CRTC3: variants seen among roughly 807,000 people sequenced by gnomAD.
CRTC3 encodes the protein CREB-regulated transcription coactivator 3.
A neutral mutation model predicts 74.5 loss-of-function variants in CRTC3; 26 were observed. The observed-to-expected ratio is 0.35, with a 90% CI of 0.26 to 0.48. The LOEUF (loss-of-function observed/expected upper bound fraction) is 0.48. CRTC3 is among the 20% of genes least tolerant of loss of function. CRTC3 has a pLI of 0.99. For missense variants in CRTC3, 760 were observed against 787.3 expected (o/e 0.97, Z 0.41); for synonymous variants, 377 against 325.8 (o/e 1.16, Z -1.69).
Position 90,642,992 on chromosome 15 carries a change from G to A in CRTC3, c.*852G>A, listed in dbSNP as rs1208645324. On this transcript the variant is annotated 3_prime_UTR_variant, in exon 15 of 15. Transcript: ENST00000268184. ...ACCTCCCCACTAAGAGCAGCCAGAGGGAGCTGGTGAGGCCCTAACCCCACC... is the reference window on the plus strand; with the variant it reads ...ACCTCCCCACTAAGAGCAGCCAGAGAGAGCTGGTGAGGCCCTAACCCCACC... 1 of 232,476 alleles carries A rather than the reference G, an allele frequency of 4.3e-6. No homozygotes were observed. The highest frequency in any genetic ancestry group is 8.5e-6 in the Non-Finnish European group (1 of 117,666). The allele number at this position is 232,476 out of a possible 1,614,324, so 14.4% of individuals were successfully genotyped here. A position where few individuals can be genotyped will look rare whatever the true frequency, so the allele number is the denominator to read the frequency against.
At chr15:90,566,499 G>A (rs1967124774) in intron 2 of CRTC3, among the ~76,000 whole-genome samples, 1 of 150,846 alleles carries the variant, frequency 6.6e-6, no homozygotes. Flanking sequence ...GCAGTGAGCC[G>A]AGATCATGCC....
intron 2 of CRTC3, among the ~76,000 whole-genome samples, chr15:90,549,977 T>C (rs1369569113): frequency 6.6e-6 from 1 of 150,558 alleles, no homozygotes; most frequent in Non-Finnish European, 1.5e-5. Context: ...GTGCTGGGAT[T>C]ACAGGCGTGA....
intron 1 of CRTC3, among the ~76,000 whole-genome samples, chr15:90,537,099 A>C (rs1034288232): frequency 6.6e-6 from 1 of 152,244 alleles, no homozygotes; most frequent in Non-Finnish European, 1.5e-5. Context: ...TCACATGTTC[A>C]TCATCTGTAA....
chr15:90,610,908 T>G lies in CRTC3; in HGVS notation c.577+3430T>G, dbSNP rs542096412. Among the ~76,000 whole-genome samples the G allele has an allele frequency of 9.8e-5, 15 of 152,302 alleles. No homozygotes were observed. The South Asian group carries it at 2.9e-3, about 29-fold the overall frequency. ...TCTCTGCATCCAGGGCTGTAGATGC[T>G]GAATATTGCCATCTTTGGGGACCAC... On this transcript the variant is annotated intron_variant, in intron 6 of 14. Coordinates refer to ENST00000268184, the MANE Select transcript of CRTC3 (RefSeq NM_022769.5).
intron 2 of CRTC3, among the ~76,000 whole-genome samples, chr15:90,553,545 A>G (rs907143462): frequency 3.3e-5 from 5 of 152,330 alleles, no homozygotes; most frequent in African/African-American, 4.8e-5. Context: ...TGAATCTCTA[A>G]TCATCTGGGA....
intron 2 of CRTC3, among the ~76,000 whole-genome samples, chr15:90,579,460 G>A (rs1452633410): frequency 2.6e-5 from 4 of 152,188 alleles, no homozygotes; most frequent in South Asian, 4.1e-4. Context: ...GGGCTCTAAG[G>A]CTGGTTTATA....
rs369428240 is a variant in CRTC3, at chr15:90,643,522, C to A, written c.*1382C>A. 1 of 228,646 alleles carries A rather than the reference C, an allele frequency of 4.4e-6. No individual in the cohort carries two copies. The allele number at this position is 228,646 out of a possible 1,614,324, so 14.2% of individuals were successfully genotyped here. On this transcript the variant is annotated 3_prime_UTR_variant, in exon 15 of 15. Coordinates refer to ENST00000268184, the MANE Select transcript of CRTC3 (RefSeq NM_022769.5). ...AGGAAGATCTTCCTTCTCAGATCCA[C>A]GTTTGGCTCTAAATTGCTTCAAGTA...
chr15:90,563,754 A>G (rs899561644), intron 2 of CRTC3, among the ~76,000 whole-genome samples: 3 of 152,234 alleles, frequency 2.0e-5, no homozygotes, highest in Non-Finnish European at 2.9e-5. Flanking sequence ...AGTGGCTGGT[A>G]CAGGAATCAA....
In CRTC3 at chr15:90,625,819, T is replaced by TTGGG; in HGVS notation, c.794_797dup (p.Thr267GlyfsTer40). ...TCAAAACCTAGGCCTCTCACCCTTC[T>TTGGG]TGGGGACCTTGAACACTGGAGGGTC... is the stretch of plus-strand genomic sequence containing the variant. On this transcript the variant is annotated frameshift_variant, in exon 10 of 15. Transcript: ENST00000268184. LOFTEE classifies it high-confidence loss of function. 1 of 1,614,246 alleles carries TTGGG rather than the reference T, an allele frequency of 6.2e-7. No homozygotes were observed. Among genetic ancestry groups the TTGGG allele is most frequent in the Non-Finnish European group, 8.5e-7 (1 of 1,180,036 alleles).
intron 2 of CRTC3, among the ~76,000 whole-genome samples, chr15:90,588,321 A>T (rs922491258): frequency 1.3e-5 from 2 of 151,782 alleles, no homozygotes; most frequent in Admixed American, 6.6e-5. Flanking sequence ...CTCTGTCATC[A>T]CTACCATATT....
At chr15:90,633,337 CAA>C (rs1160263624) in intron 11 of CRTC3, among the ~76,000 whole-genome samples, 2 of 152,186 alleles carry the variant, frequency 1.3e-5, no homozygotes, top group Admixed American at 1.3e-4. Flanking sequence ...AGCTCTATAG[CAA>C]AGAGTGCCTG....
intron 1 of CRTC3, among the ~76,000 whole-genome samples, chr15:90,532,583 A>G (rs950348452): frequency 1.3e-5 from 2 of 152,194 alleles, no homozygotes; most frequent in Non-Finnish European, 2.9e-5. Flanking sequence ...TCTTCTCTAC[A>G]TGATCAAAGC....
rs560578833 is a variant in CRTC3 at position 90,607,047 on chromosome 15, G to A, written c.477-331G>A. On this transcript the variant is annotated intron_variant, in intron 5 of 14. Coordinates refer to ENST00000268184, the MANE Select transcript of CRTC3 (RefSeq NM_022769.5). Reference sequence around the variant, plus strand: ...CCTAGTGCAGCCACAGGCTAAACTGGCCACAGCCAGCTTCCGAGCTGGGAA... The same window carrying A: ...CCTAGTGCAGCCACAGGCTAAACTGACCACAGCCAGCTTCCGAGCTGGGAA... 9.1e-3 allele frequency among the ~76,000 whole-genome samples: 123 copies of A among 13,584 alleles called. 1 individual carries two copies. Among genetic ancestry groups the A allele is most frequent in the African/African-American group, 0.028 (123 of 4,414 alleles). 8.9% of individuals were successfully genotyped at this position (13,584 alleles called of 152,430 possible). A position where few individuals can be genotyped will look rare whatever the true frequency, so the allele number is the denominator to read the frequency against.
chr15:90,540,021 A>G lies in CRTC3; in HGVS notation c.133-18A>G, dbSNP rs774281439. 6.4e-7 allele frequency: 1 copy of G among 1,569,912 alleles called. No individual in the cohort carries two copies. Among genetic ancestry groups the G allele is most frequent in the Non-Finnish European group, 8.8e-7 (1 of 1,140,124 alleles). On this transcript the variant is annotated intron_variant, in intron 1 of 14. Transcript: ENST00000268184. ...TTTGCTGTTACCTCTCAGCGTTCTT[A>G]AATCACTTTGTTTCCAGGTTCAATT...
At chr15:90,545,800 C>T (rs7497276) in intron 2 of CRTC3, among the ~76,000 whole-genome samples, 4 of 151,992 alleles carry the variant, frequency 2.6e-5, no homozygotes, top group South Asian at 4.2e-4. Context: ...GGATGGTCTC[C>T]ATCTCCTGAC....
intron 11 of CRTC3, among the ~76,000 whole-genome samples, chr15:90,631,503 G>A (rs551126057): frequency 2.3e-3 from 355 of 152,120 alleles, no homozygotes; most frequent in Non-Finnish European, 3.8e-3. Context: ...CAAGGCAGAC[G>A]GATCACTTGA....
At position 90,638,507 on chromosome 15, in the gene CRTC3, C is replaced by G; in HGVS notation, c.1328C>G (p.Ser443Trp). ...FLPTEAQAQV[S>W]PPPPYPAPQE... ...CCCACAGAAGCTCAAGCCCAGGTGTCGCCGCCACCCCCTTACCCTGCACCC... is the reference window on the plus strand; with the variant it reads ...CCCACAGAAGCTCAAGCCCAGGTGTGGCCGCCACCCCCTTACCCTGCACCC... The change falls in exon 12 of 15, where the codon TCG becomes TGG. Residue 443 changes from serine (S) to tryptophan (W), a missense_variant. By Grantham distance (177) the Ser-to-Trp change is radical. Coordinates refer to ENST00000268184, the MANE Select transcript of CRTC3 (RefSeq NM_022769.5). 1.2e-6 allele frequency: 2 copies of G among 1,613,964 alleles called. No individual in the cohort carries two copies. Among genetic ancestry groups the G allele is most frequent in the Non-Finnish European group, 1.7e-6 (2 of 1,179,998 alleles).
intron 2 of CRTC3, among the ~76,000 whole-genome samples, chr15:90,590,469 T>G (rs1404274152): frequency 4.6e-5 from 7 of 150,582 alleles, no homozygotes; most frequent in Non-Finnish European, 1.0e-4. Flanking sequence ...GGCATGATCT[T>G]GGCTCACTGC....
chr15:90,553,152 T>C (rs907882351), intron 2 of CRTC3, among the ~76,000 whole-genome samples: 1 of 152,222 alleles, frequency 6.6e-6, no homozygotes, highest in Non-Finnish European at 1.5e-5. Context: ...TTATGTTGTT[T>C]CTTATTTTCT....
Sources: allele counts gnomAD v4.1 joint callset (sites outside exome capture counted in the v4.1 genomes callset), GRCh38; gene constraint gnomAD v4.1.1; transcripts MANE v1.5; gene names NCBI Gene and HGNC (gene_info 2026-07-23, HGNC 2026-07-21).